RAD54B: variants seen among roughly 807,000 people sequenced by gnomAD.
RAD54B encodes RAD54 homolog B.
RAD54B carries 78 observed loss-of-function variants against 95.8 expected under a neutral mutation model. The observed-to-expected ratio is 0.81, with a 90% confidence interval of 0.68 to 0.98. RAD54B has a LOEUF of 0.98. RAD54B is among the 50% of genes least tolerant of loss of function. RAD54B has a pLI of 0.00. For synonymous variants in RAD54B, 328 were observed against 354.9 expected, an observed-to-expected ratio of 0.92 and a Z score of 0.85; for missense variants, 957 against 1,056.6, an observed-to-expected ratio of 0.91 and a Z score of 1.31.
chr8:94,399,745 C>A, intron 7 of RAD54B, 124 bp from the exon 8 acceptor site: 1 of 1,279,852 alleles, frequency 7.8e-7, no homozygotes. Flanking sequence ...CTGTCTTAGT[C>A]AACTGAGGCT....
chr8:94,387,208 T>G, intron 10 of RAD54B, 49 bp from the exon 11 acceptor site: 1 of 1,444,992 alleles, frequency 6.9e-7, no homozygotes, highest in Non-Finnish European at 9.2e-7. Context: ...GTTTTTTTAA[T>G]TAGGAGGGGA....
intron 8 of RAD54B, among the ~76,000 whole-genome samples, chr8:94,394,204 G>A (rs1811090649): frequency 1.3e-5 from 2 of 152,160 alleles, no homozygotes; most frequent in East Asian, 1.9e-4. Flanking sequence ...GTGACCCTGA[G>A]AAAGTTATTT....
intron 3 of RAD54B, among the ~76,000 whole-genome samples, chr8:94,416,961 G>T (rs571936611): frequency 2.2e-3 from 333 of 152,252 alleles, no homozygotes; most frequent in African/African-American, 7.3e-3. Context: ...ATTAATAATA[G>T]CCGACAGGTA....
At chr8:94,422,602 AAAAAAAAAAAAAAAAATATATAT>A (rs1263437047) in intron 3 of RAD54B, among the ~76,000 whole-genome samples, 11 of 95,546 alleles carry the variant, frequency 1.2e-4, no homozygotes, top group African/African-American at 5.6e-4. Flanking sequence ...AAAAAAAAAA[AAAAAAAAAAAAAAAAATATATAT>A]ATATATATAT....
chr8:94,456,535 A>T (rs1346377893), intron 3 of RAD54B, among the ~76,000 whole-genome samples: 2 of 152,182 alleles, frequency 1.3e-5, no homozygotes, highest in Non-Finnish European at 2.9e-5. Context: ...ATAGAGAAAA[A>T]GAGAGAAAGC....
intron 10 of RAD54B, among the ~76,000 whole-genome samples, chr8:94,390,571 T>C (rs897712324): frequency 2.0e-5 from 3 of 148,014 alleles, no homozygotes; most frequent in African/African-American, 7.4e-5. Flanking sequence ...TATATATATA[T>C]AGATTATATA....
At chr8:94,379,918 T>C (rs757904806) in intron 12 of RAD54B, among the ~76,000 whole-genome samples, 3 of 152,212 alleles carry the variant, frequency 2.0e-5, no homozygotes, top group Non-Finnish European at 4.4e-5. Flanking sequence ...CTGTGGGATC[T>C]AGAACAAGCT....
At chr8:94,456,772 CTA>C (rs551904808) in intron 3 of RAD54B, among the ~76,000 whole-genome samples, 67 of 152,146 alleles carry the variant, frequency 4.4e-4, no homozygotes, top group Non-Finnish European at 8.4e-4. Context: ...TCTCTCATCT[CTA>C]TGCTTTTCTA....
intron 1 of RAD54B, among the ~76,000 whole-genome samples, chr8:94,474,345 C>A (rs1813241394): frequency 6.6e-6 from 1 of 152,110 alleles, no homozygotes; most frequent in Non-Finnish European, 1.5e-5. Context: ...TGCACATGTA[C>A]CCCCAAATCT....
At chr8:94,393,452 C>A (rs1352912127) in intron 9 of RAD54B, 6 of 278,316 alleles carry the variant, frequency 2.2e-5, no homozygotes, top group Non-Finnish European at 3.3e-5. Context: ...AAACACACAC[C>A]AATAGAAAAG....
chr8:94,457,929 A>C (rs1188933779), intron 3 of RAD54B, among the ~76,000 whole-genome samples: 1 of 152,214 alleles, frequency 6.6e-6, no homozygotes, highest in East Asian at 1.9e-4. Flanking sequence ...TTTCAAGTTC[A>C]ACTCTCCAAT....
At chr8:94,446,665 T>C (rs1451679906) in intron 3 of RAD54B, among the ~76,000 whole-genome samples, 1 of 152,200 alleles carries the variant, frequency 6.6e-6, no homozygotes, top group South Asian at 2.1e-4. Flanking sequence ...CACCCTGAAG[T>C]ACACTGCACT....
intron 1 of RAD54B, among the ~76,000 whole-genome samples, chr8:94,468,374 C>T (rs1365278662): frequency 6.6e-6 from 1 of 152,014 alleles, no homozygotes; most frequent in African/African-American, 2.4e-5. Context: ...CCAGGCAGGC[C>T]GTCTCAAGTT....
At chr8:94,474,567 G>A (rs971125632) in intron 1 of RAD54B, among the ~76,000 whole-genome samples, 6 of 151,994 alleles carry the variant, frequency 3.9e-5, no homozygotes, top group African/African-American at 1.2e-4. Context: ...AACCTGACCA[G>A]TGAAGAGGTA....
At position 94,381,896 on chromosome 8, in the gene RAD54B, A is replaced by G. The variant is rs560115206; in HGVS notation, c.1986-1490T>C. On this transcript the variant is annotated intron_variant, in intron 11 of 14. Coordinates refer to ENST00000336148, the MANE Select transcript of RAD54B (RefSeq NM_012415.3). Reference sequence around the variant, plus strand: ...CAGGAGGCCGAGGTGGGCGGATCACAAGGTCAGAAGATAGAGACCATCCTG... The same window carrying G: ...CAGGAGGCCGAGGTGGGCGGATCACGAGGTCAGAAGATAGAGACCATCCTG... Among the ~76,000 whole-genome samples the G allele has an allele frequency of 3.9e-5, 6 of 152,102 alleles. No individual in the cohort carries two copies. In the East Asian group the frequency reaches 7.8e-4, roughly 20 times the overall value.
intron 3 of RAD54B, chr8:94,430,424 G>A (rs768907245): frequency 8.0e-5 from 79 of 985,014 alleles, no homozygotes; most frequent in Non-Finnish European, 9.3e-5. Context: ...TTTGAGACTA[G>A]TATGATTTAG....
chr8:94,435,584 T>C (rs1372162683), intron 3 of RAD54B, among the ~76,000 whole-genome samples: 1 of 152,120 alleles, frequency 6.6e-6, no homozygotes, highest in Non-Finnish European at 1.5e-5. Context: ...AATAAGAATG[T>C]AGCTGCCATT....
At chr8:94,444,220 CAT>C (rs1448601660) in intron 3 of RAD54B, among the ~76,000 whole-genome samples, 19 of 152,134 alleles carry the variant, frequency 1.2e-4, no homozygotes, top group East Asian at 1.9e-4. Context: ...AGTTTAGTAA[CAT>C]GTGTTGAAGA....
At position 94,408,319 on chromosome 8, in the gene RAD54B, G is replaced by A. The variant is rs551723220; in HGVS notation, c.500-599C>T. On this transcript the variant is annotated intron_variant, in intron 4 of 14. Transcript: ENST00000336148. Reference sequence around the variant, plus strand: ...ATTTATTAAGTGTTGCTGTGTAAAGGTGCTGATGAAATATAAGTATGGATA... The same window carrying A: ...ATTTATTAAGTGTTGCTGTGTAAAGATGCTGATGAAATATAAGTATGGATA... 1.3e-3 allele frequency among the ~76,000 whole-genome samples: 200 copies of A among 152,170 alleles called. 1 individual carries two copies. Among genetic ancestry groups the A allele is most frequent in the Middle Eastern group, 0.01 (3 of 294 alleles).
Sources: gnomAD v4.1 joint callset for allele counts (sites outside exome capture counted in the v4.1 genomes callset) on GRCh38, gnomAD v4.1.1 for gene constraint, MANE v1.5 for transcripts, NCBI Gene and HGNC (gene_info 2026-07-23, HGNC 2026-07-21) for gene names.